Variants in UGT1A9 observed in about 807,000 individuals in gnomAD.
The protein encoded by UGT1A9 is UDP-glucuronosyltransferase 1A9.
In UGT1A9, 35 loss-of-function variants were observed where a neutral mutation model predicts 45.0. That is an observed-to-expected ratio of 0.78 (90% CI 0.59 to 1.03). The LOEUF (loss-of-function observed/expected upper bound fraction) is 1.03, where lower values mean the gene tolerates loss of function less well. UGT1A9 is among the 50% of genes least tolerant of loss of function. The pLI, the probability that UGT1A9 is intolerant of heterozygous loss-of-function variation, is 0.00. For synonymous variants in UGT1A9, 278 were observed against 250.6 expected (o/e 1.11, Z -1.03); for missense variants, 687 against 666.6 (o/e 1.03, Z -0.34).
intron 4 of UGT1A9, among the ~76,000 whole-genome samples, chr2:233,768,835 C>T (rs968956061): frequency 7.9e-5 from 12 of 152,116 alleles, no homozygotes; most frequent in African/African-American, 2.6e-4. Flanking sequence ...CCACCTGCCT[C>T]GGCCTGCCAA....
chr2:233,693,137 A>G, intron 1 of UGT1A9: 1 of 1,614,192 alleles, frequency 6.2e-7, no homozygotes, highest in Non-Finnish European at 8.5e-7. Flanking sequence ...TATGAAGGAT[A>G]TAGTTGAGGT....
intron 1 of UGT1A9, chr2:233,719,466 T>C (rs2076769813): frequency 6.2e-7 from 1 of 1,614,004 alleles, no homozygotes; most frequent in South Asian, 1.1e-5. Flanking sequence ...GAACATGCTC[T>C]ACCCTCTGGC....
chr2:233,704,993 G>C (rs973779449), intron 1 of UGT1A9, among the ~76,000 whole-genome samples: 1 of 152,050 alleles, frequency 6.6e-6, no homozygotes, highest in Non-Finnish European at 1.5e-5. Context: ...GAAATTAGCC[G>C]GGTATGGTGG....
chr2:233,672,744 C>T lies in UGT1A9; in HGVS notation c.810C>T (p.Ile270=), dbSNP rs771524221. 4 of 1,613,906 alleles carry T rather than the reference C, an allele frequency of 2.5e-6. No homozygotes were observed. The highest frequency in any genetic ancestry group is 2.2e-5 in the South Asian group (2 of 91,066). Residue 270 remains isoleucine, a synonymous_variant, in exon 1 of 5, where the codon ATC becomes ATT. Coordinates refer to ENST00000354728, the MANE Select transcript of UGT1A9 (RefSeq NM_021027.3). ...CCAAACCCGTGATGCCCAACATGAT[C>T]TTCATTGGTGGTATCAACTGCCATC... ...DYPKPVMPNM[I]FIGGINCHQG...
chr2:233,678,162 C>A (rs963457253), intron 1 of UGT1A9, among the ~76,000 whole-genome samples: 1 of 152,030 alleles, frequency 6.6e-6, no homozygotes, highest in African/African-American at 2.4e-5. Flanking sequence ...ACTATGGACT[C>A]CTAAAAGGGA....
chr2:233,744,318 TG>T (rs1692773667), intron 1 of UGT1A9, among the ~76,000 whole-genome samples: 2 of 151,754 alleles, frequency 1.3e-5, no homozygotes, highest in Admixed American at 1.3e-4. Flanking sequence ...AAGAGGGTGG[TG>T]GGAGTGAGTT....
chr2:233,698,522 A>G (rs1416828415), intron 1 of UGT1A9, among the ~76,000 whole-genome samples: 1 of 152,236 alleles, frequency 6.6e-6, no homozygotes, highest in Non-Finnish European at 1.5e-5. Context: ...TCGGCAATAC[A>G]TAAAGTAAAC....
intron 1 of UGT1A9, chr2:233,755,414 G>T (rs11673726): frequency 0.36 from 117,303 of 321,602 alleles, 22,184 homozygotes; most frequent in African/African-American, 0.41. Context: ...GCCGAGGCCT[G>T]TGAGCGCCTC....
Position 233,767,908 on chromosome 2 carries a change from T to G in UGT1A9, c.1047T>G (p.Val349=). 6.2e-7 allele frequency: 1 copy of G among 1,614,222 alleles called. No homozygotes were observed. The highest frequency in any genetic ancestry group is 8.5e-7 in the Non-Finnish European group (1 of 1,180,050). ...PSNLANNTIL[V]KWLPQNDLLG... is the part of the protein sequence containing the mutation. ...ATCTTGCGAACAACACGATACTTGTTAAGTGGCTACCCCAAAACGATCTGC... is the reference window on the plus strand; with the variant it reads ...ATCTTGCGAACAACACGATACTTGTGAAGTGGCTACCCCAAAACGATCTGC... The change falls in exon 3 of 5, where the codon GTT becomes GTG. Residue 349 remains valine (V), a synonymous_variant. Transcript: ENST00000354728.
At chr2:233,691,577 A>G in intron 1 of UGT1A9, 1 of 985,616 alleles carries the variant, frequency 1.0e-6, no homozygotes, top group Non-Finnish European at 1.2e-6. Context: ...TCTCACTGGG[A>G]CAGCCTAGTT....
At chr2:233,765,208 G>A (rs1325678271) in intron 1 of UGT1A9, among the ~76,000 whole-genome samples, 1 of 152,250 alleles carries the variant, frequency 6.6e-6, no homozygotes, top group South Asian at 2.1e-4. Flanking sequence ...AGTGCCCTCA[G>A]TATTCTTTGC....
At chr2:233,675,149 T>G (rs565544534) in intron 1 of UGT1A9, among the ~76,000 whole-genome samples, 1 of 152,224 alleles carries the variant, frequency 6.6e-6, no homozygotes, top group Non-Finnish European at 1.5e-5. Context: ...TCCAGGGGAA[T>G]TACATCCAGG....
chr2:233,688,628 C>G (rs937345281), intron 1 of UGT1A9, among the ~76,000 whole-genome samples: 2 of 152,130 alleles, frequency 1.3e-5, no homozygotes, highest in Non-Finnish European at 2.9e-5. Flanking sequence ...ATGAGTTCGT[C>G]TTGTTTTTGT....
intron 1 of UGT1A9, chr2:233,719,445 C>T: frequency 6.2e-7 from 1 of 1,613,958 alleles, no homozygotes; most frequent in Non-Finnish European, 8.5e-7. Context: ...GACATTCCTG[C>T]AAAGGGTCAA....
chr2:233,672,400 A>G lies in UGT1A9; in HGVS notation c.466A>G (p.Ile156Val). ...FLDPFDNCGL[I>V]VAKYFSLPSV... is the part of the protein sequence containing the mutation. ...CGATCCTTTTGATAACTGTGGCTTA[A>G]TTGTTGCCAAATATTTCTCCCTCCC... Residue 156 changes from isoleucine to valine, a missense_variant, in exon 1 of 5, where the codon ATT (isoleucine) becomes GTT (valine). Ile to Val is a conservative substitution (Grantham distance 29). Coordinates refer to ENST00000354728, the MANE Select transcript of UGT1A9 (RefSeq NM_021027.3). 1 of 1,614,040 alleles carries G rather than the reference A, an allele frequency of 6.2e-7. No homozygotes were observed. The highest frequency in any genetic ancestry group is 8.5e-7 in the Non-Finnish European group (1 of 1,179,966).
intron 1 of UGT1A9, among the ~76,000 whole-genome samples, chr2:233,728,276 G>C (rs1254522252): frequency 6.6e-6 from 1 of 152,142 alleles, no homozygotes; most frequent in Non-Finnish European, 1.5e-5. Flanking sequence ...TGGAGCCTTC[G>C]GCATTCAGAA....
At chr2:233,770,225 G>C (rs747501170) in intron 4 of UGT1A9, 1 of 152,132 alleles carries the variant, frequency 6.6e-6, no homozygotes, top group Admixed American at 6.5e-5. Flanking sequence ...CTGTCTGATT[G>C]TGAATCTCCA....
At chr2:233,738,545 C>T (rs1690821888) in intron 1 of UGT1A9, among the ~76,000 whole-genome samples, 1 of 152,164 alleles carries the variant, frequency 6.6e-6, no homozygotes, top group South Asian at 2.1e-4. Flanking sequence ...GGCTGAGTCT[C>T]AGATAGAGAT....
Position 233,772,820 on chromosome 2 carries a change from C to A in UGT1A9, c.*261C>A. On this transcript the variant is annotated 3_prime_UTR_variant, in exon 5 of 5. Coordinates refer to ENST00000354728, the MANE Select transcript of UGT1A9 (RefSeq NM_021027.3). ...TGCCATTTTTCAGAGGACGTGCAGACAGGCTGGCATTCTAGATTACTTTTC... is the reference window on the plus strand; with the variant it reads ...TGCCATTTTTCAGAGGACGTGCAGAAAGGCTGGCATTCTAGATTACTTTTC... 1 of 980,890 alleles carries A rather than the reference C, an allele frequency of 1.0e-6. No individual in the cohort carries two copies. The highest frequency in any genetic ancestry group is 1.4e-6 in the Non-Finnish European group (1 of 712,708). 60.8% of individuals were successfully genotyped at this position (980,890 alleles called of 1,614,324 possible).
Sources: gnomAD v4.1 joint callset for allele counts (sites outside exome capture counted in the v4.1 genomes callset) on GRCh38, gnomAD v4.1.1 for gene constraint, MANE v1.5 for transcripts, NCBI Gene and HGNC (gene_info 2026-07-23, HGNC 2026-07-21) for gene names.